Variants in TMPRSS15 observed in about 807,000 individuals in gnomAD.
TMPRSS15 encodes the protein enteropeptidase.
A neutral mutation model predicts 125.3 loss-of-function variants in TMPRSS15; 128 were observed. The observed-to-expected ratio is 1.02, with a 90% CI of 0.89 to 1.18. The LOEUF is 1.18. TMPRSS15 is among the 50% of genes most tolerant of loss of function. The pLI is 0.00. For missense variants in TMPRSS15, 1,283 were observed against 1,212.7 expected, an observed-to-expected ratio of 1.06 and a Z score of -0.86; for synonymous variants, 446 against 423.2, an observed-to-expected ratio of 1.05 and a Z score of -0.66.
rs145694793 is a variant in TMPRSS15 at position 18,330,250 on chromosome 21, G to A, written c.1655-956C>T. Among the ~76,000 whole-genome samples, 991 of 152,164 alleles carry A rather than the reference G, an allele frequency of 6.5e-3. 12 individuals carry two copies. The highest frequency in any genetic ancestry group is 0.018 in the African/African-American group (750 of 41,510). ...CTCAACGTCCCTTGCCACCACAACA[G>A]GAGTTCAAATCACTATAGTTTCTCA... is the stretch of plus-strand genomic sequence containing the variant. On this transcript the variant is annotated intron_variant, in intron 14 of 24. Coordinates refer to ENST00000284885, the MANE Select transcript of TMPRSS15 (RefSeq NM_002772.3).
chr21:18,321,504 C>T (rs1449679544), intron 16 of TMPRSS15, among the ~76,000 whole-genome samples: 1 of 151,828 alleles, frequency 6.6e-6, no homozygotes, highest in Non-Finnish European at 1.5e-5. Context: ...AGGTGCCTGC[C>T]ACCACGCCCA....
intron 4 of TMPRSS15, among the ~76,000 whole-genome samples, chr21:18,382,664 C>A (rs948750849): frequency 6.6e-6 from 1 of 152,120 alleles, no homozygotes; most frequent in African/African-American, 2.4e-5. Context: ...TTATTCCCCT[C>A]GGTGTAGATA....
intron 1 of TMPRSS15, among the ~76,000 whole-genome samples, chr21:18,446,622 A>G (rs1250350214): frequency 6.6e-6 from 1 of 152,210 alleles, no homozygotes; most frequent in East Asian, 1.9e-4. Context: ...ATAGAACAGA[A>G]TACGGAACCC....
intron 8 of TMPRSS15, among the ~76,000 whole-genome samples, chr21:18,354,148 A>G (rs2824763): frequency 0.09 from 13,612 of 151,846 alleles, 708 homozygotes; most frequent in South Asian, 0.13. Context: ...TATACATAGA[A>G]AAGATGCATT....
chr21:18,359,856 G>T lies in TMPRSS15; in HGVS notation c.781C>A (p.Gln261Lys). Residue 261 changes from glutamine (Q) to lysine (K), a missense_variant, in exon 8 of 25, where the codon CAA becomes AAA. By Grantham distance (53) the Gln-to-Lys change is moderately conservative. Coordinates refer to ENST00000284885, the MANE Select transcript of TMPRSS15 (RefSeq NM_002772.3). ...VVCQWIIRVN[Q>K]GLSIKLSFDD... Reference sequence around the variant, plus strand: ...AAGCTCAGTTTAATGGAAAGTCCTTGGTTTACACTAAATTAAAAGCAAAAA... The same window carrying T: ...AAGCTCAGTTTAATGGAAAGTCCTTTGTTTACACTAAATTAAAAGCAAAAA... 6.8e-7 allele frequency: 1 copy of T among 1,472,830 alleles called. No homozygotes were observed. Among genetic ancestry groups the T allele is most frequent in the Non-Finnish European group, 9.5e-7 (1 of 1,054,210 alleles). 91.2% of individuals were successfully genotyped at this position (1,472,830 alleles called of 1,614,324 possible). A position where few individuals can be genotyped will look rare whatever the true frequency, so the allele number is the denominator to read the frequency against.
chr21:18,392,974 A>G (rs2076003280), intron 3 of TMPRSS15, among the ~76,000 whole-genome samples: 1 of 152,164 alleles, frequency 6.6e-6, no homozygotes, highest in Non-Finnish European at 1.5e-5. Flanking sequence ...TGTCGGGATT[A>G]CAACTTGAGA....
At chr21:18,270,795 C>T (rs905092284) in intron 24 of TMPRSS15, among the ~76,000 whole-genome samples, 1 of 152,034 alleles carries the variant, frequency 6.6e-6, no homozygotes, top group African/African-American at 2.4e-5. Context: ...TTTATTTGCA[C>T]GTGATTCCTG....
chr21:18,413,723 C>T (rs2076173234), intron 1 of TMPRSS15, among the ~76,000 whole-genome samples: 1 of 151,640 alleles, frequency 6.6e-6, no homozygotes, highest in South Asian at 2.1e-4. Flanking sequence ...CCACCGCGTC[C>T]TGAACTCTTT....
chr21:18,400,417 G>A (rs548574581), intron 1 of TMPRSS15, among the ~76,000 whole-genome samples: 93 of 151,942 alleles, frequency 6.1e-4, no homozygotes, highest in African/African-American at 1.9e-3. Flanking sequence ...CCACAGTAAA[G>A]TAAAGCTACA....
At chr21:18,319,340 C>T (rs1472580545) in intron 16 of TMPRSS15, among the ~76,000 whole-genome samples, 6 of 150,672 alleles carry the variant, frequency 4.0e-5, no homozygotes, top group African/African-American at 1.5e-4. Context: ...ATTTATCATA[C>T]CAATACATAT....
rs931154259 is a variant in TMPRSS15 at position 18,305,382 on chromosome 21, G to A, written c.2166-7553C>T. Reference sequence around the variant, plus strand: ...TTTTTGTATTTTTAGTAGAGACGGGGTTTCACCGGGTTAGCCAGGATGGTC... The same window carrying A: ...TTTTTGTATTTTTAGTAGAGACGGGATTTCACCGGGTTAGCCAGGATGGTC... On this transcript the variant is annotated intron_variant, in intron 18 of 24. Coordinates refer to ENST00000284885, the MANE Select transcript of TMPRSS15 (RefSeq NM_002772.3). Among the ~76,000 whole-genome samples, 16 of 152,020 alleles carry A rather than the reference G, an allele frequency of 1.1e-4. No individual in the cohort carries two copies. The East Asian group carries it at 3.1e-3, about 30-fold the overall frequency.
chr21:18,290,089 C>G (rs2074815654), intron 21 of TMPRSS15, among the ~76,000 whole-genome samples: 1 of 152,132 alleles, frequency 6.6e-6, no homozygotes, highest in Non-Finnish European at 1.5e-5. Context: ...TTCCAGACTT[C>G]AGCAAATACA....
chr21:18,297,796 G>T lies in TMPRSS15; in HGVS notation c.2199C>A (p.Thr733=). The part of the protein sequence containing the change: ...SGNSSKPIFP[T]DGGPFVKLNT... ...TTAATTTGACAAATGGTCCACCATC[G>T]GTAGGGAAGATTGGCTTTGATGAGT... The change falls in exon 19 of 25, where the codon ACC becomes ACA. Residue 733 remains threonine (T), a synonymous_variant. Coordinates refer to ENST00000284885, the MANE Select transcript of TMPRSS15 (RefSeq NM_002772.3). 1.2e-6 allele frequency: 2 copies of T among 1,613,578 alleles called. No individual in the cohort carries two copies. The highest frequency in any genetic ancestry group is 1.7e-6 in the Non-Finnish European group (2 of 1,179,656).
At chr21:18,435,981 C>T (rs2123221333) in intron 1 of TMPRSS15, among the ~76,000 whole-genome samples, 1 of 148,904 alleles carries the variant, frequency 6.7e-6, no homozygotes, top group East Asian at 2.0e-4. Flanking sequence ...GGTGATATCC[C>T]CTTTATCATT....
intron 1 of TMPRSS15, among the ~76,000 whole-genome samples, chr21:18,471,722 C>T (rs1399355350): frequency 1.3e-5 from 2 of 152,110 alleles, no homozygotes; most frequent in African/African-American, 4.8e-5. Flanking sequence ...GAAAATTCTG[C>T]ATGCCCATAC....
chr21:18,387,026 G>C (rs2075950112), intron 3 of TMPRSS15, among the ~76,000 whole-genome samples: 1 of 152,080 alleles, frequency 6.6e-6, no homozygotes, highest in Non-Finnish European at 1.5e-5. Context: ...TTTATACTTT[G>C]CAAGGATAGG....
intron 23 of TMPRSS15, among the ~76,000 whole-genome samples, chr21:18,277,136 T>A (rs1182660195): frequency 6.6e-6 from 1 of 152,190 alleles, no homozygotes; most frequent in East Asian, 1.9e-4. Flanking sequence ...ACGTGAAACT[T>A]ACCATCACTC....
intron 1 of TMPRSS15, among the ~76,000 whole-genome samples, chr21:18,473,106 C>G (rs1161103393): frequency 6.6e-6 from 1 of 152,044 alleles, no homozygotes; most frequent in East Asian, 1.9e-4. Context: ...AATGCAATAA[C>G]AAAGCACCCT....
At chr21:18,317,267 C>A (rs188546198) in intron 16 of TMPRSS15, among the ~76,000 whole-genome samples, 1 of 152,114 alleles carries the variant, frequency 6.6e-6, no homozygotes, top group East Asian at 1.9e-4. Flanking sequence ...CTGAAAAATA[C>A]CATTACACTT....
Sources: gnomAD v4.1 joint callset for allele counts (sites outside exome capture counted in the v4.1 genomes callset) on GRCh38, gnomAD v4.1.1 for gene constraint, MANE v1.5 for transcripts, NCBI Gene and HGNC (gene_info 2026-07-23, HGNC 2026-07-21) for gene names.